LPCAT3: variants seen among roughly 807,000 people sequenced by gnomAD.
The protein encoded by LPCAT3 is lysophosphatidylcholine acyltransferase 3, also known as lysophospholipid acyltransferase 5.
A neutral mutation model predicts 63.4 loss-of-function variants in LPCAT3; 21 were observed. The observed-to-expected ratio is 0.33, with a 90% CI of 0.23 to 0.48. LPCAT3 has a LOEUF of 0.48. Among genes scored for constraint, LPCAT3 ranks in the 20% least tolerant of loss-of-function variants. LPCAT3 has a pLI of 0.99. For synonymous variants in LPCAT3, 242 were observed against 227.5 expected, an observed-to-expected ratio of 1.06 and a Z score of -0.58; for missense variants, 451 against 590.6, an observed-to-expected ratio of 0.76 and a Z score of 2.45.
Position 6,977,930 on chromosome 12 carries a change from G to T in LPCAT3, c.1041-185C>A. The T allele has an allele frequency of 1.5e-6, 1 of 672,154 alleles. No homozygotes were observed. The highest frequency in any genetic ancestry group is 2.5e-6 in the Non-Finnish European group (1 of 403,146). 41.6% of individuals were successfully genotyped at this position (672,154 alleles called of 1,614,324 possible). A position where few individuals can be genotyped will look rare whatever the true frequency, so the allele number is the denominator to read the frequency against. On this transcript the variant is annotated intron_variant, in intron 9 of 12. Coordinates refer to ENST00000261407, the MANE Select transcript of LPCAT3 (RefSeq NM_005768.6). The surrounding 1 kb of genome is among the most constrained non-coding windows in gnomAD (Gnocchi z 4.5). ...AGAGATGGAAAGCAGACCCAAGGCG[G>T]AGCTGGAGACCGTGTGCGCACGAGC...
intron 1 of LPCAT3, among the ~76,000 whole-genome samples, chr12:6,990,334 C>G (rs1946576040): frequency 6.6e-6 from 1 of 150,672 alleles, no homozygotes; most frequent in African/African-American, 2.4e-5. Context: ...ATGGTGAAAC[C>G]CTGTCTCTAC....
chr12:7,018,139 G>T lies in LPCAT3; in HGVS notation c.151+135C>A. On this transcript the variant is annotated intron_variant, in intron 1 of 12. Transcript: ENST00000261407. This position sits in a 1 kb window ranked among gnomAD's most constrained non-coding sequence, Gnocchi z 4.9. The stretch of plus-strand genomic sequence containing the variant: ...CTGTCTTCCCTCAGTAGCTGTTGGT[G>T]TGCTTCAGGATTCACACCCGCACCC... 1 of 955,186 alleles carries T rather than the reference G, an allele frequency of 1.0e-6. No homozygotes were observed. Among genetic ancestry groups the T allele is most frequent in the Non-Finnish European group, 1.6e-6 (1 of 631,228 alleles). 59.2% of individuals were successfully genotyped at this position (955,186 alleles called of 1,614,324 possible).
intron 7 of LPCAT3, 183 bp downstream of exon 7, chr12:6,979,288 G>A: frequency 1.7e-6 from 1 of 605,728 alleles, no homozygotes; most frequent in Non-Finnish European, 2.9e-6. Context: ...CGCGAAGGTT[G>A]TTCAGTGCTG....
Position 6,982,584 on chromosome 12 carries a change from T to C in LPCAT3, c.366+92A>G. On this transcript the variant is annotated intron_variant, in intron 3 of 12. Coordinates refer to ENST00000261407, the MANE Select transcript of LPCAT3 (RefSeq NM_005768.6). ...GCTGGGAGAGGGGTTAGAAATTAGGTCTGCTAATTTCTATACCACAGTCCC... is the reference window on the plus strand; with the variant it reads ...GCTGGGAGAGGGGTTAGAAATTAGGCCTGCTAATTTCTATACCACAGTCCC... 4.5e-6 allele frequency: 4 copies of C among 898,256 alleles called. No individual in the cohort carries two copies. In the South Asian group the frequency reaches 5.8e-5, roughly 13 times the overall value. 55.6% of individuals were successfully genotyped at this position (898,256 alleles called of 1,614,324 possible).
At chr12:6,992,283 T>C (rs1325404788) in intron 1 of LPCAT3, among the ~76,000 whole-genome samples, 1 of 151,470 alleles carries the variant, frequency 6.6e-6, no homozygotes, top group African/African-American at 2.4e-5. Context: ...CAGTGAGCTG[T>C]GATGCCCCCA....
intron 1 of LPCAT3, among the ~76,000 whole-genome samples, chr12:7,001,916 C>G (rs2138353802): frequency 6.6e-6 from 1 of 152,082 alleles, no homozygotes; most frequent in African/African-American, 2.4e-5. Context: ...TTAGGGCAGG[C>G]AGGGAAAGGA....
chr12:7,013,133 G>T (rs1341879521), intron 1 of LPCAT3, among the ~76,000 whole-genome samples: 2 of 152,224 alleles, frequency 1.3e-5, no homozygotes, highest in African/African-American at 2.4e-5. Context: ...AATTGAACAT[G>T]AGAGTCAGGA....
chr12:6,988,065 T>C, intron 1 of LPCAT3: 1 of 346,568 alleles, frequency 2.9e-6, no homozygotes, highest in East Asian at 4.2e-5. Context: ...AAAAAAAGAT[T>C]TAAGACAAAA....
Position 7,018,290 on chromosome 12 carries a change from G to A in LPCAT3, c.135C>T (p.Ile45=). ...LGASEQALRL[I]ISIFLGYPFA... ...GGTCCTTACCCAGGAAGATGGAGAT[G>A]ATCAGCCGCAGCGCCTGTTCTGACG... Residue 45 remains isoleucine, a synonymous_variant, in exon 1 of 13, where the codon ATC becomes ATT. Transcript: ENST00000261407. This position sits in a 1 kb window ranked among gnomAD's most constrained non-coding sequence, Gnocchi z 4.9. The A allele has an allele frequency of 6.2e-7, 1 of 1,604,396 alleles. No homozygotes were observed. The highest frequency in any genetic ancestry group is 8.5e-7 in the Non-Finnish European group (1 of 1,175,932).
At chr12:6,992,287 GC>G (rs1555155569) in intron 1 of LPCAT3, among the ~76,000 whole-genome samples, 1 of 151,110 alleles carries the variant, frequency 6.6e-6, no homozygotes, top group African/African-American at 2.4e-5. Context: ...GAGCTGTGAT[GC>G]CCCCACCGCA....
At position 6,977,731 on chromosome 12, in the gene LPCAT3, C is replaced by T. The variant is rs376008049; in HGVS notation, c.1055G>A (p.Arg352Gln). 1.2e-4 allele frequency: 200 copies of T among 1,613,872 alleles called. 2 individuals carry two copies. The Admixed American group carries it at 1.9e-3, about 16-fold the overall frequency. ...NAWVARYIFK[R>Q]LKFLGNKELS... ...TTCTTTATTTCCAAGGAACTTGAGT[C>T]GTTTGAAGATGTAGCTGGAGAAAAG... Residue 352 changes from arginine (R) to glutamine (Q), a missense_variant, in exon 10 of 13, where the codon CGA becomes CAA. By Grantham distance (43) the Arg-to-Gln change is conservative. This residue lies in a region of LPCAT3 where 304 missense variants were observed against 390.8 expected (regional missense o/e 0.78). Coordinates refer to ENST00000261407, the MANE Select transcript of LPCAT3 (RefSeq NM_005768.6). The surrounding 1 kb of genome is among the most constrained non-coding windows in gnomAD (Gnocchi z 4.5).
At chr12:6,992,155 AAAAAC>A (rs782208331) in intron 1 of LPCAT3, among the ~76,000 whole-genome samples, 5 of 152,088 alleles carry the variant, frequency 3.3e-5, no homozygotes, top group Non-Finnish European at 5.9e-5. Context: ...CCCCATCTCT[AAAAAC>A]AAAACAAAAC....
intron 1 of LPCAT3, among the ~76,000 whole-genome samples, chr12:7,013,946 T>C (rs185540426): frequency 5.4e-4 from 83 of 152,360 alleles, no homozygotes; most frequent in African/African-American, 1.9e-3. Flanking sequence ...AACCTACAGT[T>C]CCAGCCTGAT....
rs1387785215 is a variant in LPCAT3, at chr12:6,981,266, C to G, written c.499-84G>C. ...CTTTGAGTGTTCCCCACCTGTGTGCCCCACTGACTGGGGTTCTTCAAATAG... is the reference window on the plus strand; with the variant it reads ...CTTTGAGTGTTCCCCACCTGTGTGCGCCACTGACTGGGGTTCTTCAAATAG... On this transcript the variant is annotated intron_variant, in intron 5 of 12. Transcript: ENST00000261407. 31 of 1,134,466 alleles carry G rather than the reference C, an allele frequency of 2.7e-5. No homozygotes were observed. In the Admixed American group the frequency reaches 7.0e-4, roughly 25 times the overall value. 70.3% of individuals were successfully genotyped at this position (1,134,466 alleles called of 1,614,324 possible).
intron 7 of LPCAT3, chr12:6,979,210 G>T (rs1445370848): frequency 3.9e-6 from 2 of 519,338 alleles, no homozygotes; most frequent in Non-Finnish European, 6.9e-6. Context: ...GATGTGATAA[G>T]GCAAGCTAGG....
At position 6,982,691 on chromosome 12, in the gene LPCAT3, G is replaced by A. The variant is rs1555154283; in HGVS notation, c.351C>T (p.Thr117=). The part of the protein sequence containing the change: ...MGRTITAVLT[T]FCFQMAYLLA... The stretch of plus-strand genomic sequence containing the variant: ...AGACGTTTACCATCTGGAAGCAAAA[G>A]GTAGTGAGGACGGCAGTGATGGTGC... Residue 117 remains threonine (T), a synonymous_variant, in exon 3 of 13, where the codon ACC becomes ACT. Coordinates refer to ENST00000261407, the MANE Select transcript of LPCAT3 (RefSeq NM_005768.6). 5 of 1,612,536 alleles carry A rather than the reference G, an allele frequency of 3.1e-6. No individual in the cohort carries two copies. Among genetic ancestry groups the A allele is most frequent in the Non-Finnish European group, 4.2e-6 (5 of 1,178,676 alleles).
intron 1 of LPCAT3, among the ~76,000 whole-genome samples, chr12:6,986,344 G>A (rs1437750791): frequency 6.6e-6 from 1 of 151,576 alleles, no homozygotes; most frequent in African/African-American, 2.4e-5. Context: ...TCTTGCTTAT[G>A]ATTCTCTTAA....
chr12:6,994,674 C>T (rs1443082344), intron 1 of LPCAT3, among the ~76,000 whole-genome samples: 4 of 152,118 alleles, frequency 2.6e-5, no homozygotes, highest in South Asian at 2.1e-4. Context: ...AGGCTGGTCT[C>T]GAACTCCTGA....
chr12:7,000,319 C>T (rs889965710), intron 1 of LPCAT3, among the ~76,000 whole-genome samples: 9 of 151,466 alleles, frequency 5.9e-5, no homozygotes, highest in African/African-American at 7.3e-5. Flanking sequence ...TGGCCGGGCG[C>T]GGTGGCTCAT....
Sources: allele counts gnomAD v4.1 joint callset (sites outside exome capture counted in the v4.1 genomes callset), GRCh38; gene constraint gnomAD v4.1.1; regional missense constraint gnomAD v4.1.1; non-coding constraint Gnocchi (gnomAD v3.1); transcripts MANE v1.5; gene names NCBI Gene and HGNC (gene_info 2026-07-23, HGNC 2026-07-21).